The following ANK2 variants were observed in gnomAD, a reference collection of about 807,000 sequenced individuals.
ANK2 encodes ankyrin 2.
Under a neutral mutation model 360.5 loss-of-function variants are expected in ANK2, and 83 were observed. That is an observed-to-expected ratio of 0.23 (90% CI 0.19 to 0.28). The LOEUF is 0.28. Among genes scored for constraint, ANK2 ranks in the 10% least tolerant of loss-of-function variants. The pLI is 1.00. For synonymous variants in ANK2, 1,740 were observed against 1,759.5 expected, an observed-to-expected ratio of 0.99 and a Z score of 0.28; for missense variants, 4,201 against 4,795.7, an observed-to-expected ratio of 0.88 and a Z score of 3.66.
chr4:113,214,351 G>C lies in ANK2; in HGVS notation c.384+15242G>C, dbSNP rs2099062364. ...CAGCGAATAGGCTGCACGTGGCCGC[G>C]GCCCTTTTTGGCACGACCATTGTTC... On this transcript the variant is annotated intron_variant, in intron 4 of 45. Transcript: ENST00000357077. 8.7e-6 allele frequency: 7 copies of C among 805,474 alleles called. No individual in the cohort carries two copies. In the Admixed American group the frequency reaches 1.2e-4, roughly 14 times the overall value. 49.9% of individuals were successfully genotyped at this position (805,474 alleles called of 1,614,324 possible).
At chr4:113,163,355 G>A (rs1053627273) in intron 1 of ANK2, among the ~76,000 whole-genome samples, 4 of 152,034 alleles carry the variant, frequency 2.6e-5, no homozygotes, top group East Asian at 1.9e-4. Flanking sequence ...CCCCATTTGC[G>A]ACCCACATAC....
chr4:113,347,491 T>C (rs2094996630), intron 35 of ANK2, among the ~76,000 whole-genome samples: 3 of 152,308 alleles, frequency 2.0e-5, no homozygotes. Context: ...GAGCTTTGGC[T>C]GATTTCAGTG....
At chr4:113,026,019 C>T (rs1039455612) in intron 2 of ANK2, among the ~76,000 whole-genome samples, 11 of 152,116 alleles carry the variant, frequency 7.2e-5, no homozygotes, top group East Asian at 5.8e-4. Context: ...CCAAGAATTG[C>T]TTGCTTTCTT....
chr4:113,312,286 AAAAAAAG>A lies in ANK2; in HGVS notation c.2693+892_2693+898del, dbSNP rs201426364. On this transcript the variant is annotated intron_variant, in intron 24 of 45. Coordinates refer to ENST00000357077, the MANE Select transcript of ANK2 (RefSeq NM_001148.6). ...ACACTGTCTCTTGAGACAGAAAAAAAAAAAAAGAAAAGAAAAGAAAGTTTGTCCACGT... is the reference window on the plus strand; with the variant it reads ...ACACTGTCTCTTGAGACAGAAAAAAAAAAAGAAAAGAAAGTTTGTCCACGT... Among the ~76,000 whole-genome samples the A allele has an allele frequency of 4.6e-3, 705 of 151,842 alleles. 4 individuals carry two copies. The highest frequency in any genetic ancestry group is 0.016 in the African/African-American group (669 of 41,372).
chr4:113,177,467 C>A (rs371676045), intron 2 of ANK2, among the ~76,000 whole-genome samples: 5 of 152,150 alleles, frequency 3.3e-5, no homozygotes, highest in Non-Finnish European at 7.4e-5. Context: ...AGAGAATAGA[C>A]AATGAAACCG....
intron 23 of ANK2, among the ~76,000 whole-genome samples, chr4:113,309,132 A>C (rs1434755300): frequency 1.3e-5 from 2 of 152,224 alleles, no homozygotes; most frequent in African/African-American, 2.4e-5. Flanking sequence ...TGTATTACTG[A>C]ATAGCATGAT....
At chr4:112,725,478 A>G in the ANK2 span, among the ~76,000 whole-genome samples, 3 of 142,376 alleles carry the variant, frequency 2.1e-5, no homozygotes, top group Non-Finnish European at 3.0e-5. Context: ...CTCCTGCCTC[A>G]GCCTCCCGAG....
the ANK2 span, among the ~76,000 whole-genome samples, chr4:112,771,748 G>T: frequency 1.3e-5 from 2 of 152,116 alleles, no homozygotes; most frequent in African/African-American, 4.8e-5. Context: ...ACCGTGCCCG[G>T]CTCATTTTTT....
intron 28 of ANK2, 142 bp downstream of exon 28, chr4:113,332,212 G>T: frequency 4.0e-6 from 3 of 752,266 alleles, no homozygotes; most frequent in East Asian, 5.3e-5. Flanking sequence ...ATCTTTAGTG[G>T]ACCATTTCTG....
At chr4:113,234,785 G>A (rs571818648) in intron 5 of ANK2, among the ~76,000 whole-genome samples, 1 of 152,316 alleles carries the variant, frequency 6.6e-6, no homozygotes, top group East Asian at 1.9e-4. Flanking sequence ...TGATTGAGAA[G>A]AAATATTTGA....
chr4:112,769,585 A>T, the ANK2 span, among the ~76,000 whole-genome samples: 1 of 152,188 alleles, frequency 6.6e-6, no homozygotes, highest in East Asian at 1.9e-4. Context: ...ATGCTGCATA[A>T]TTCCGAAGAA....
At chr4:113,296,233 A>T (rs1438729120) in intron 22 of ANK2, among the ~76,000 whole-genome samples, 1 of 152,182 alleles carries the variant, frequency 6.6e-6, no homozygotes, top group Non-Finnish European at 1.5e-5. Context: ...CCACTTAAAT[A>T]GTGCTCTTTA....
At chr4:113,296,635 G>C (rs759174792) in intron 22 of ANK2, among the ~76,000 whole-genome samples, 16 of 152,178 alleles carry the variant, frequency 1.1e-4, no homozygotes, top group South Asian at 2.1e-4. Flanking sequence ...ATCGTAGTTT[G>C]TTTCCTTAAC....
chr4:113,057,723 A>G (rs1424389732), intron 1 of ANK2, among the ~76,000 whole-genome samples: 10 of 152,094 alleles, frequency 6.6e-5, no homozygotes, highest in Admixed American at 1.3e-4. Flanking sequence ...TTAACAAGAC[A>G]TTCGAATCTA....
chr4:112,995,930 A>T (rs1436346724), intron 2 of ANK2, among the ~76,000 whole-genome samples: 1 of 152,208 alleles, frequency 6.6e-6, no homozygotes, highest in Non-Finnish European at 1.5e-5. Context: ...AGAACCATTC[A>T]GTGTTTTCTT....
At chr4:113,177,257 T>G (rs1370592369) in intron 2 of ANK2, among the ~76,000 whole-genome samples, 2 of 152,126 alleles carry the variant, frequency 1.3e-5, no homozygotes, top group Non-Finnish European at 2.9e-5. Context: ...ATTTTTTGTA[T>G]TTTTAGTAGA....
chr4:112,924,524 C>A (rs1366043967), intron 2 of ANK2, among the ~76,000 whole-genome samples: 1 of 151,778 alleles, frequency 6.6e-6, no homozygotes, highest in Non-Finnish European at 1.5e-5. Context: ...TATGATAGCC[C>A]CATTTAGAAA....
chr4:112,778,810 CTTTG>C, the ANK2 span, among the ~76,000 whole-genome samples: 145 of 152,286 alleles, frequency 9.5e-4, no homozygotes, highest in Non-Finnish European at 1.6e-3. Context: ...GCTGCAACTA[CTTTG>C]TTTGTTGAAT....
At chr4:112,751,304 A>G in the ANK2 span, among the ~76,000 whole-genome samples, 1 of 152,060 alleles carries the variant, frequency 6.6e-6, no homozygotes, top group Non-Finnish European at 1.5e-5. Context: ...GAGAAGAAAC[A>G]CTCGGCCCTG....
Sources: gnomAD v4.1 joint callset for allele counts (sites outside exome capture counted in the v4.1 genomes callset) on GRCh38, gnomAD v4.1.1 for gene constraint, MANE v1.5 for transcripts, NCBI Gene and HGNC (gene_info 2026-07-23, HGNC 2026-07-21) for gene names.